The following SRGAP3 variants were observed in gnomAD, a reference collection of about 807,000 sequenced individuals.
SRGAP3 encodes the protein SLIT-ROBO Rho GTPase activating protein 3, also known as SLIT-ROBO Rho GTPase-activating protein 3.
A neutral mutation model predicts 121.1 loss-of-function variants in SRGAP3; 39 were observed. The observed-to-expected ratio is 0.32, with a 90% CI of 0.25 to 0.42. The LOEUF (loss-of-function observed/expected upper bound fraction) is 0.42. Among genes scored for constraint, SRGAP3 ranks in the 10% least tolerant of loss-of-function variants. The pLI is 1.00. For missense variants in SRGAP3, 1,213 were observed against 1,470.6 expected (o/e 0.82, Z 2.86); for synonymous variants, 601 against 570.0 (o/e 1.05, Z -0.77).
intron 3 of SRGAP3, among the ~76,000 whole-genome samples, chr3:9,091,441 T>C (rs1475458721): frequency 6.6e-6 from 1 of 152,188 alleles, no homozygotes; most frequent in African/African-American, 2.4e-5. Flanking sequence ...CGACAGATCC[T>C]ACCCACTTCT....
intron 3 of SRGAP3, among the ~76,000 whole-genome samples, chr3:9,268,322 C>CTCTCTCTT (rs1954406349): frequency 2.1e-5 from 3 of 145,802 alleles, no homozygotes; most frequent in Non-Finnish European, 3.1e-5. Context: ...CTCTCTCTCT[C>CTCTCTCTT]TTTCTCTCTC....
intron 1 of SRGAP3, among the ~76,000 whole-genome samples, chr3:9,337,346 T>C (rs537522636): frequency 6.6e-6 from 1 of 152,298 alleles, no homozygotes; most frequent in South Asian, 2.1e-4. Flanking sequence ...AAATTTATCA[T>C]CACAGGAAAT....
intron 1 of SRGAP3, among the ~76,000 whole-genome samples, chr3:9,241,966 T>C (rs879771549): frequency 2.1e-4 from 31 of 150,650 alleles, no homozygotes; most frequent in Admixed American, 1.3e-3. Flanking sequence ...TAGTCCCAGC[T>C]ACTCGGGAGG....
At chr3:9,021,433 C>G (rs1434628073) in intron 14 of SRGAP3, among the ~76,000 whole-genome samples, 2 of 151,806 alleles carry the variant, frequency 1.3e-5, no homozygotes, top group African/African-American at 4.8e-5. Flanking sequence ...TTCTCTCTCT[C>G]CTTCATTTTG....
intron 3 of SRGAP3, among the ~76,000 whole-genome samples, chr3:9,102,605 G>T (rs1239808539): frequency 6.6e-6 from 1 of 152,230 alleles, no homozygotes; most frequent in Admixed American, 6.5e-5. Context: ...CAAAGGGGCC[G>T]TGCTGTGCAA....
intron 4 of SRGAP3, among the ~76,000 whole-genome samples, chr3:9,076,294 T>TATTA (rs1299823772): frequency 6.6e-6 from 1 of 152,150 alleles, no homozygotes; most frequent in Non-Finnish European, 1.5e-5. Context: ...ACAAAGGCTT[T>TATTA]AAATAAGTCA....
chr3:9,260,024 G>A (rs1003689201), intron 3 of SRGAP3, among the ~76,000 whole-genome samples: 9 of 151,808 alleles, frequency 5.9e-5, no homozygotes, highest in East Asian at 1.9e-4. Context: ...GTGGGGCGTC[G>A]CCTTACCTGG....
At chr3:9,060,614 T>A (rs573494768) in intron 5 of SRGAP3, among the ~76,000 whole-genome samples, 8 of 152,104 alleles carry the variant, frequency 5.3e-5, no homozygotes, top group East Asian at 1.9e-4. Flanking sequence ...GTTTTTCAAG[T>A]TTTTTAGAGA....
At chr3:8,998,494 G>A (rs1160273894) in intron 18 of SRGAP3, among the ~76,000 whole-genome samples, 2 of 151,906 alleles carry the variant, frequency 1.3e-5, no homozygotes, top group Non-Finnish European at 2.9e-5. Flanking sequence ...TGAAATTTAT[G>A]TGTGTGTGTA....
At chr3:9,128,088 G>A (rs927252795) in intron 1 of SRGAP3, among the ~76,000 whole-genome samples, 1 of 151,822 alleles carries the variant, frequency 6.6e-6, no homozygotes, top group Non-Finnish European at 1.5e-5. Context: ...AAAGTCTCAG[G>A]CCCCAGCCCA....
chr3:9,264,136 T>C (rs962189617), intron 3 of SRGAP3, among the ~76,000 whole-genome samples: 17 of 152,180 alleles, frequency 1.1e-4, no homozygotes, highest in African/African-American at 3.9e-4. Context: ...ATTATCTCAA[T>C]AGATGCAGAA....
At chr3:9,243,011 C>T (rs1036905882) in intron 1 of SRGAP3, among the ~76,000 whole-genome samples, 4 of 152,144 alleles carry the variant, frequency 2.6e-5, no homozygotes, top group African/African-American at 9.7e-5. Context: ...ACTTATCAGC[C>T]ACTCCTTCAA....
chr3:9,136,398 C>CT (rs1226003079), intron 1 of SRGAP3, among the ~76,000 whole-genome samples: 1,323 of 62,702 alleles, frequency 0.021, 40 homozygotes, highest in African/African-American at 0.093. Context: ...GCTGGGACCC[C>CT]CCCCCCCCCC....
intron 2 of SRGAP3, among the ~76,000 whole-genome samples, chr3:9,105,872 T>C (rs1312982113): frequency 6.6e-6 from 1 of 152,182 alleles, no homozygotes; most frequent in Non-Finnish European, 1.5e-5. Flanking sequence ...AACATCATAG[T>C]TTAGCCTACC....
chr3:9,232,465 C>A (rs1022505547), intron 1 of SRGAP3, among the ~76,000 whole-genome samples: 2 of 152,088 alleles, frequency 1.3e-5, no homozygotes, highest in African/African-American at 2.4e-5. Context: ...ACCAAAGACT[C>A]TTTTTATACA....
chr3:8,986,896 C>T (rs1181843659), intron 21 of SRGAP3, among the ~76,000 whole-genome samples: 4 of 152,208 alleles, frequency 2.6e-5, no homozygotes, highest in Non-Finnish European at 1.5e-5. Flanking sequence ...CAGGGCAGCC[C>T]GGGCTCACCA....
At chr3:9,311,207 G>A (rs1332690298) in intron 3 of SRGAP3, among the ~76,000 whole-genome samples, 1 of 151,952 alleles carries the variant, frequency 6.6e-6, no homozygotes, top group Non-Finnish European at 1.5e-5. Flanking sequence ...ACACTTCCAG[G>A]TTTACAAAGG....
intron 1 of SRGAP3, among the ~76,000 whole-genome samples, chr3:9,134,549 G>T (rs906572596): frequency 1.3e-5 from 2 of 152,152 alleles, no homozygotes; most frequent in African/African-American, 4.8e-5. Flanking sequence ...TTGAGATTCA[G>T]GGAGGGGAAA....
At chr3:8,990,870 G>T (rs1458876457) in intron 20 of SRGAP3, 31 bp from the exon 21 acceptor site, 2 of 1,476,870 alleles carry the variant, frequency 1.4e-6, no homozygotes, top group East Asian at 2.3e-5. Context: ...GAGGGGCATG[G>T]GGCAGAGGTC....
Sources: allele counts gnomAD v4.1 joint callset (sites outside exome capture counted in the v4.1 genomes callset), GRCh38; gene constraint gnomAD v4.1.1; transcripts MANE v1.5; gene names NCBI Gene and HGNC (gene_info 2026-07-23, HGNC 2026-07-21).